Variants in EML1 observed in about 807,000 individuals in gnomAD.
The protein encoded by EML1 is echinoderm microtubule-associated protein-like 1.
In EML1, 27 loss-of-function variants were observed where a neutral mutation model predicts 110.4. The ratio of observed to expected loss-of-function variants is 0.24; its 90% CI spans 0.18 to 0.34. The LOEUF (loss-of-function observed/expected upper bound fraction) is 0.34, where lower values mean the gene tolerates loss of function less well. Among genes scored for constraint, EML1 ranks in the 10% least tolerant of loss-of-function variants. The probability of loss-of-function intolerance (pLI) is 1.00; values close to 1 mark genes in which losing one functional copy is unlikely to be tolerated. For missense variants in EML1, 741 were observed against 1,030.9 expected, an observed-to-expected ratio of 0.72 and a Z score of 3.85; for synonymous variants, 344 against 385.8, an observed-to-expected ratio of 0.89 and a Z score of 1.27.
chr14:99,748,006 G>A (rs868649016), intron 1 of EML1, among the ~76,000 whole-genome samples: 2 of 152,216 alleles, frequency 1.3e-5, no homozygotes, highest in Non-Finnish European at 2.9e-5. Flanking sequence ...CCTTAGGGCC[G>A]ACAGCTGTGA....
At chr14:99,754,969 C>A (rs1380027890) in intron 1 of EML1, among the ~76,000 whole-genome samples, 3 of 152,208 alleles carry the variant, frequency 2.0e-5, no homozygotes, top group African/African-American at 7.2e-5. Context: ...AAGCTGTAAA[C>A]CTAACCAGCT....
Position 99,781,681 on chromosome 14 carries a change from C to A in EML1, c.-27+7668C>A, listed in dbSNP as rs961275157. 6.6e-6 allele frequency among the ~76,000 whole-genome samples: 1 copy of A among 152,228 alleles called. No homozygotes were observed. Among genetic ancestry groups the A allele is most frequent in the Non-Finnish European group, 1.5e-5 (1 of 68,040 alleles). ...GGGCTCCCATTGCCCATAGACTAAG[C>A]CCAGCCTGTTAGTATGGGGTCCCAG... On this transcript the variant is annotated intron_variant, in intron 1 of 22. Coordinates refer to the EML1 transcript ENST00000327921. This position sits in a 1 kb window ranked among gnomAD's most constrained non-coding sequence, Gnocchi z 4.2.
chr14:99,834,364 G>A (rs1023841427), intron 1 of EML1, among the ~76,000 whole-genome samples: 6 of 151,064 alleles, frequency 4.0e-5, no homozygotes, highest in Admixed American at 6.6e-5. Context: ...GTGCAGTGGT[G>A]CAGTCTCGGC....
intron 1 of EML1, among the ~76,000 whole-genome samples, chr14:99,757,996 C>T (rs2057275409): frequency 6.6e-6 from 1 of 152,186 alleles, no homozygotes; most frequent in African/African-American, 2.4e-5. Flanking sequence ...AAATGCTGAG[C>T]ATGGTGCCTG....
intron 1 of EML1, among the ~76,000 whole-genome samples, chr14:99,832,204 A>G (rs956204521): frequency 2.6e-5 from 4 of 152,144 alleles, no homozygotes; most frequent in African/African-American, 9.7e-5. Flanking sequence ...GCTTGTATCA[A>G]TGTTAATATG....
chr14:99,835,299 G>A (rs903821096), intron 1 of EML1, among the ~76,000 whole-genome samples: 39 of 151,790 alleles, frequency 2.6e-4, no homozygotes, highest in African/African-American at 7.7e-4. Context: ...GATATCTATC[G>A]ATCTGTAGTA....
At chr14:99,878,053 AT>A (rs200010479) in intron 3 of EML1, among the ~76,000 whole-genome samples, 99 of 149,966 alleles carry the variant, frequency 6.6e-4, no homozygotes, top group Middle Eastern at 3.4e-3. Flanking sequence ...TTTCTTTGCA[AT>A]TTTTTTTTTG....
intron 1 of EML1, among the ~76,000 whole-genome samples, chr14:99,778,813 C>G (rs1473727585): frequency 6.6e-6 from 1 of 152,162 alleles, no homozygotes; most frequent in Non-Finnish European, 1.5e-5. Flanking sequence ...CTGTTGTTTT[C>G]TAGCTCCTAT....
At chr14:99,934,090 C>T (rs1223667580) in intron 17 of EML1, among the ~76,000 whole-genome samples, 6 of 151,784 alleles carry the variant, frequency 4.0e-5, no homozygotes, top group South Asian at 2.1e-4. Flanking sequence ...AGTGAAACTC[C>T]GTCTCAAAAA....
chr14:99,923,915 A>G (rs900047095), intron 17 of EML1, among the ~76,000 whole-genome samples: 3 of 152,122 alleles, frequency 2.0e-5, no homozygotes, highest in South Asian at 4.1e-4. Flanking sequence ...CGGCCTCCCA[A>G]AGTGTTGGGA....
intron 1 of EML1, among the ~76,000 whole-genome samples, chr14:99,752,786 G>A (rs1206998002): frequency 6.6e-6 from 1 of 152,182 alleles, no homozygotes; most frequent in African/African-American, 2.4e-5. Flanking sequence ...AGGGTCAGTC[G>A]GGAGGAAGCA....
intron 1 of EML1, among the ~76,000 whole-genome samples, chr14:99,843,298 G>T (rs1461813152): frequency 6.6e-6 from 1 of 152,094 alleles, no homozygotes; most frequent in African/African-American, 2.4e-5. Flanking sequence ...ATTCTTTCAT[G>T]ATTTAAAAAG....
intron 1 of EML1, among the ~76,000 whole-genome samples, chr14:99,750,588 A>G (rs1301857443): frequency 6.6e-6 from 1 of 152,198 alleles, no homozygotes; most frequent in African/African-American, 2.4e-5. Context: ...TGCTTGCTAC[A>G]CATGAACTAT....
At chr14:99,916,009 G>A (rs1219011845) in intron 15 of EML1, among the ~76,000 whole-genome samples, 2 of 152,250 alleles carry the variant, frequency 1.3e-5, no homozygotes, top group African/African-American at 4.8e-5. Context: ...CAGAGAGCAG[G>A]TGTGGCCCGT....
intron 1 of EML1, among the ~76,000 whole-genome samples, chr14:99,839,402 T>C (rs1476513975): frequency 6.6e-6 from 1 of 152,198 alleles, no homozygotes; most frequent in Non-Finnish European, 1.5e-5. Context: ...TGCCCTTGGA[T>C]TGGGAAGATC....
Position 99,869,857 on chromosome 14 carries a change from G to T in EML1, c.383+4211G>T, listed in dbSNP as rs74824009. 3.6e-3 allele frequency among the ~76,000 whole-genome samples: 551 copies of T among 152,274 alleles called. 1 individual carries two copies. Among genetic ancestry groups the T allele is most frequent in the Non-Finnish European group, 5.8e-3 (394 of 68,026 alleles). On this transcript the variant is annotated intron_variant, in intron 3 of 21. Transcript: ENST00000262233. ...CTTGCTCCCTCTCTTGCCAAAGGAC[G>T]TGCCTGCTCCTGTCTTGTCTTCTGC... is the stretch of plus-strand genomic sequence containing the variant.
chr14:99,753,520 G>A (rs1438542274), intron 1 of EML1, among the ~76,000 whole-genome samples: 1 of 151,786 alleles, frequency 6.6e-6, no homozygotes, highest in Non-Finnish European at 1.5e-5. Context: ...AACACCTTGT[G>A]GTCCCCAGCA....
intron 1 of EML1, among the ~76,000 whole-genome samples, chr14:99,834,009 A>G (rs937819486): frequency 1.3e-5 from 2 of 152,200 alleles, no homozygotes; most frequent in Non-Finnish European, 2.9e-5. Context: ...AAAACCTCCA[A>G]GATAATATTG....
chr14:99,836,008 A>G (rs1013528202), intron 1 of EML1, among the ~76,000 whole-genome samples: 11 of 152,094 alleles, frequency 7.2e-5, no homozygotes, highest in Non-Finnish European at 1.5e-5. Flanking sequence ...TGTGTTGGCT[A>G]TTCTGGGTCT....
Sources: allele counts gnomAD v4.1 joint callset (sites outside exome capture counted in the v4.1 genomes callset), GRCh38; gene constraint gnomAD v4.1.1; non-coding constraint Gnocchi (gnomAD v3.1); transcripts MANE v1.5; gene names NCBI Gene and HGNC (gene_info 2026-07-23, HGNC 2026-07-21).